Variants in RHBDF1 observed in about 807,000 individuals in gnomAD.
RHBDF1 encodes the protein inactive rhomboid protein 1.
Under a neutral mutation model 98.6 loss-of-function variants are expected in RHBDF1, and 80 were observed. The ratio of observed to expected loss-of-function variants is 0.81; its 90% CI spans 0.68 to 0.98. The LOEUF is 0.98. Ranked by LOEUF, RHBDF1 falls within the 50% of genes least tolerant of loss-of-function variation. RHBDF1 has a pLI of 0.00. For missense variants in RHBDF1, 1,116 were observed against 1,198.3 expected (o/e 0.93, Z 1.01); for synonymous variants, 512 against 486.8 (o/e 1.05, Z -0.68).
At chr16:67,286 G>A (rs1420578188) in intron 1 of RHBDF1, among the ~76,000 whole-genome samples, 1 of 152,214 alleles carries the variant, frequency 6.6e-6, no homozygotes, top group Non-Finnish European at 1.5e-5. Context: ...ATGGACGAAT[G>A]CTCTTAGTGA....
At chr16:66,488 C>T (rs550993806) in intron 1 of RHBDF1, among the ~76,000 whole-genome samples, 3 of 152,250 alleles carry the variant, frequency 2.0e-5, no homozygotes, top group Non-Finnish European at 2.9e-5. Context: ...ACAGAGCTCA[C>T]GGCTCCTTCC....
At chr16:68,494 C>G (rs1300460282) in intron 1 of RHBDF1, among the ~76,000 whole-genome samples, 1 of 152,212 alleles carries the variant, frequency 6.6e-6, no homozygotes, top group Non-Finnish European at 1.5e-5. Flanking sequence ...ACAGTGTCTC[C>G]CCCACCCCGC....
intron 11 of RHBDF1, 76 bp downstream of exon 11, chr16:61,044 T>A: frequency 6.9e-7 from 1 of 1,448,462 alleles, no homozygotes; most frequent in Non-Finnish European, 9.2e-7. Context: ...GAAGGATCAC[T>A]CTGCCGAGTC....
In RHBDF1 at chr16:61,839, G is replaced by T; in HGVS notation, c.1167C>A (p.Asp389Glu). The T allele has an allele frequency of 6.2e-7, 1 of 1,612,464 alleles. No homozygotes were observed. Residue 389 changes from aspartate to glutamate, a missense_variant, in exon 8 of 18, where the codon GAC (aspartate) becomes GAA (glutamate). Physicochemically the swap from Asp to Glu is conservative, Grantham distance 45. Transcript: ENST00000262316. ...CCTCGATCTGGCGCTTGACGAAGCT[G>T]TCGATGCGCTTGCGGTAGGTGCGGT... ...LTNRTYRKRIDSFVKRQIEDM... is the reference protein window; with the variant it reads ...LTNRTYRKRIESFVKRQIEDM...
At chr16:59,899 G>A in intron 13 of RHBDF1, 73 bp from the exon 14 acceptor site, 1 of 1,606,830 alleles carries the variant, frequency 6.2e-7, no homozygotes, top group Non-Finnish European at 8.5e-7. Context: ...TTTGGGGGTA[G>A]AGGCAAAGAT....
In RHBDF1 at chr16:61,479, G is replaced by A. The variant is rs1370409057; in HGVS notation, c.1321-20C>T. On this transcript the variant is annotated intron_variant, in intron 9 of 17. Coordinates refer to ENST00000262316, the MANE Select transcript of RHBDF1 (RefSeq NM_022450.5). The stretch of plus-strand genomic sequence containing the variant: ...CAGCACCTGGGAGGTTGGGGAGCGG[G>A]ATCAGACGGGCCCCGACTCTGGCCC... The A allele has an allele frequency of 1.2e-6, 2 of 1,612,266 alleles. No individual in the cohort carries two copies. Among genetic ancestry groups the A allele is most frequent in the African/African-American group, 1.3e-5 (1 of 74,942 alleles).
At position 62,081 on chromosome 16, in the gene RHBDF1, C is replaced by A. The variant is rs73493080; in HGVS notation, c.954-29G>T. ...GAGGGAGCCGGCATTCACCTCCCGC[C>A]CCAGCCCCGCAAACTGCTGCAGTCC... On this transcript the variant is annotated intron_variant, in intron 7 of 17. Coordinates refer to ENST00000262316, the MANE Select transcript of RHBDF1 (RefSeq NM_022450.5). 0.012 allele frequency: 17,362 copies of A among 1,439,878 alleles called. 1,706 individuals carry two copies. In the African/African-American group the frequency reaches 0.22, roughly 18 times the overall value. 89.2% of individuals were successfully genotyped at this position (1,439,878 alleles called of 1,614,324 possible). A position where few individuals can be genotyped will look rare whatever the true frequency, so the allele number is the denominator to read the frequency against.
intron 1 of RHBDF1, among the ~76,000 whole-genome samples, chr16:65,861 G>A (rs142139227): frequency 6.8e-4 from 104 of 152,360 alleles, no homozygotes; most frequent in Admixed American, 1.8e-3. Context: ...GTGACGCCAC[G>A]CGCCCAGAAA....
rs745964182 is a variant in RHBDF1 at position 61,153 on chromosome 16, C to A, written c.1524G>T (p.Ser508=). 2 of 1,538,056 alleles carry A rather than the reference C, an allele frequency of 1.3e-6. No homozygotes were observed. The highest frequency in any genetic ancestry group is 2.0e-5 in the Admixed American group (1 of 50,918). The change falls in exon 11 of 18, where the codon TCG becomes TCT. Residue 508 remains serine (S), a synonymous_variant. Transcript: ENST00000262316. ...HSACCVRNDR[S]GCVQTSEEEC... Reference sequence around the variant, plus strand: ...CCTCCTCCGAGGTCTGCACGCAGCCCGACCTGTCGTTGCGCACGCAGCAGG... The same window carrying A: ...CCTCCTCCGAGGTCTGCACGCAGCCAGACCTGTCGTTGCGCACGCAGCAGG...
In RHBDF1 at chr16:63,632, C is replaced by A; in HGVS notation, c.417G>T (p.Thr139=). The A allele has an allele frequency of 6.3e-7, 1 of 1,591,972 alleles. No individual in the cohort carries two copies. The highest frequency in any genetic ancestry group is 1.7e-5 in the Admixed American group (1 of 57,708). ...ATGGCCCCACGTAGAGTGGGGGTGG[C>A]GTCTCGGTGCTGGTCAGCGACACGT... is the stretch of plus-strand genomic sequence containing the variant. ...QDNVSLTSTE[T]PPPLYVGPCQ... is the part of the protein sequence containing the mutation. The change falls in exon 4 of 18, where the codon ACG becomes ACT. Residue 139 remains threonine (T), a synonymous_variant. Transcript: ENST00000262316.
At chr16:63,261 A>G (rs968089524) in intron 4 of RHBDF1, 79 bp from the exon 5 acceptor site, 1 of 1,226,102 alleles carries the variant, frequency 8.2e-7, no homozygotes, top group African/African-American at 1.5e-5. Flanking sequence ...CCTTGCAAAG[A>G]CAGCGTGACT....
At chr16:63,550 G>A in intron 4 of RHBDF1, 37 bp downstream of exon 4, 6 of 1,484,322 alleles carry the variant, frequency 4.0e-6, no homozygotes, top group Non-Finnish European at 4.5e-6. Flanking sequence ...GAGAGCGGAA[G>A]GAGGGGCCTG....
intron 13 of RHBDF1, 150 bp downstream of exon 13, chr16:60,066 G>A (rs985029988): frequency 6.6e-7 from 1 of 1,503,764 alleles, no homozygotes; most frequent in Non-Finnish European, 8.9e-7. Flanking sequence ...GCTGGTTGAT[G>A]GACAGGCTGT....
At chr16:72,452 G>GCT in intron 1 of RHBDF1, 61 bp downstream of exon 1, 1 of 876,042 alleles carries the variant, frequency 1.1e-6, no homozygotes, top group Non-Finnish European at 1.4e-6. Flanking sequence ...CCCGCCCTCC[G>GCT]GACGCAGCCC....
intron 3 of RHBDF1, chr16:64,098 G>A (rs1459679039): frequency 3.2e-6 from 2 of 623,856 alleles, no homozygotes; most frequent in South Asian, 1.8e-5. Flanking sequence ...GTCCAGAGAA[G>A]GAGCTGAGAG....
At position 58,673 on chromosome 16, in the gene RHBDF1, C is replaced by G; in HGVS notation, c.2235G>C (p.Trp745Cys). The change falls in exon 18 of 18, where the codon TGG (tryptophan) becomes TGC (cysteine). Residue 745 changes from tryptophan (W) to cysteine (C), a missense_variant. Transcript: ENST00000262316. ...CAGCCAGCAGCTTGAAGAAGGCACG[C>G]CAGGGCCGCGCCAGGATCTGCCAGC... ...FQSWQILARP[W>C]RAFFKLLAVV... is the part of the protein sequence containing the mutation. 1 of 1,613,160 alleles carries G rather than the reference C, an allele frequency of 6.2e-7. No homozygotes were observed. Among genetic ancestry groups the G allele is most frequent in the Non-Finnish European group, 8.5e-7 (1 of 1,179,986 alleles).
chr16:58,746 C>G lies in RHBDF1; in HGVS notation c.2162G>C (p.Gly721Ala), dbSNP rs1596462987. The change falls in exon 18 of 18, where the codon GGC (glycine) becomes GCC (alanine). Residue 721 changes from glycine (G) to alanine (A), a missense_variant. Coordinates refer to ENST00000262316, the MANE Select transcript of RHBDF1 (RefSeq NM_022450.5). ...GCAGGCCAGGATGCCGAACTGGGAG[C>G]CAGCAGGACCCACCTGGGGGATGGT... Reference protein sequence around the residue: ...LPYRAEVGPAGSQFGILACLF... With the variant: ...LPYRAEVGPAASQFGILACLF... The G allele has an allele frequency of 6.2e-7, 1 of 1,612,226 alleles. No homozygotes were observed. Among genetic ancestry groups the G allele is most frequent in the Middle Eastern group, 1.7e-4 (1 of 6,054 alleles).
chr16:72,354 C>T (rs1280967897), intron 1 of RHBDF1, among the ~76,000 whole-genome samples, 159 bp downstream of exon 1: 3 of 151,670 alleles, frequency 2.0e-5, no homozygotes, highest in Admixed American at 1.3e-4. Context: ...GGGGGGGCCT[C>T]GCCGCGACCC....
chr16:61,717 G>A (rs1897632543), intron 8 of RHBDF1, 21 bp from the exon 9 acceptor site: 1 of 1,612,642 alleles, frequency 6.2e-7, no homozygotes. Context: ...GAGCGTCAGC[G>A]GGGGCCTCAT....
Sources: allele counts gnomAD v4.1 joint callset (sites outside exome capture counted in the v4.1 genomes callset), GRCh38; gene constraint gnomAD v4.1.1; transcripts MANE v1.5; gene names NCBI Gene and HGNC (gene_info 2026-07-23, HGNC 2026-07-21).